MAST4: variants seen among roughly 807,000 people sequenced by gnomAD.
The protein encoded by MAST4 is microtubule associated serine/threonine kinase family member 4.
Under a neutral mutation model 162.7 loss-of-function variants are expected in MAST4, and 89 were observed. The ratio of observed to expected loss-of-function variants is 0.55; its 90% CI spans 0.46 to 0.65. MAST4 has a LOEUF of 0.65. Among genes scored for constraint, MAST4 ranks in the 30% least tolerant of loss-of-function variants. MAST4 has a pLI of 0.00. For missense variants in MAST4, 3,153 were observed against 3,374.0 expected (o/e 0.93, Z 1.62); for synonymous variants, 1,479 against 1,361.1 (o/e 1.09, Z -1.91).
chr5:66,700,066 A>T (rs2149509384), intron 1 of MAST4, among the ~76,000 whole-genome samples: 1 of 152,282 alleles, frequency 6.6e-6, no homozygotes, highest in South Asian at 2.1e-4. Flanking sequence ...TGTTGACTGC[A>T]GCCCAGTGTC....
At chr5:66,767,605 T>TAC (rs752584863) in intron 2 of MAST4, among the ~76,000 whole-genome samples, 68 of 151,878 alleles carry the variant, frequency 4.5e-4, no homozygotes, top group African/African-American at 1.5e-3. Flanking sequence ...ATAGGATATA[T>TAC]ATACACACAC....
In MAST4 at chr5:66,596,936, C is replaced by CGCT. The variant is rs201910335; in HGVS notation, c.284_286dup (p.Leu95dup). The CGCT allele has an allele frequency of 2.3e-3, 3,102 of 1,351,144 alleles. 49 individuals carry two copies. In the East Asian group the frequency reaches 0.045, roughly 19 times the overall value. The allele number at this position is 1,351,144 out of a possible 1,614,324, so 83.7% of individuals were successfully genotyped here. On this transcript the variant is annotated inframe_insertion, in exon 1 of 29. Transcript: ENST00000403625. Reference sequence around the variant, plus strand: ...GTGCTGCTGGAGCGCGGAGTCCTTGCGCTGCCGCCGCCGCTTCCCGGAGGA... The same window carrying CGCT: ...GTGCTGCTGGAGCGCGGAGTCCTTGCGCTGCTGCCGCCGCCGCTTCCCGGAGGA...
intron 3 of MAST4, among the ~76,000 whole-genome samples, chr5:66,837,887 TATATA>T (rs1260757758): frequency 3.2e-4 from 11 of 34,556 alleles, no homozygotes; most frequent in African/African-American, 1.5e-3. Flanking sequence ...TATATATATA[TATATA>T]TATTTTTTTT....
intron 1 of MAST4, among the ~76,000 whole-genome samples, chr5:66,663,660 CCACT>C (rs1464477554): frequency 6.6e-6 from 1 of 152,066 alleles, no homozygotes; most frequent in African/African-American, 2.4e-5. Flanking sequence ...GCAGTGGAAG[CCACT>C]GTAGCTGGAA....
intron 4 of MAST4, among the ~76,000 whole-genome samples, chr5:66,951,835 A>G (rs1744751284): frequency 6.6e-6 from 1 of 152,150 alleles, no homozygotes; most frequent in South Asian, 2.1e-4. Flanking sequence ...GTTATCAAAC[A>G]TATCAGATAA....
chr5:66,733,292 T>C (rs1751967755), intron 1 of MAST4, among the ~76,000 whole-genome samples: 1 of 151,962 alleles, frequency 6.6e-6, no homozygotes, highest in African/African-American at 2.4e-5. Context: ...CCTCTAACTT[T>C]CTCCGTTTCC....
At chr5:66,939,474 T>A (rs1280626984) in intron 4 of MAST4, among the ~76,000 whole-genome samples, 1 of 152,222 alleles carries the variant, frequency 6.6e-6, no homozygotes. Flanking sequence ...TTAATTTAAT[T>A]TGAATTTCAC....
chr5:66,831,934 T>C (rs1041704413), intron 3 of MAST4, among the ~76,000 whole-genome samples: 23 of 152,212 alleles, frequency 1.5e-4, no homozygotes, highest in Non-Finnish European at 1.5e-5. Flanking sequence ...CTAATATTCC[T>C]CATACGTGGA....
At chr5:66,651,271 C>G (rs1383188062) in intron 1 of MAST4, among the ~76,000 whole-genome samples, 1 of 151,870 alleles carries the variant, frequency 6.6e-6, no homozygotes, top group Non-Finnish European at 1.5e-5. Flanking sequence ...TGAATTTTTA[C>G]TCTCCATGTT....
intron 3 of MAST4, among the ~76,000 whole-genome samples, chr5:66,813,824 A>G: frequency 6.6e-6 from 1 of 152,376 alleles, no homozygotes; most frequent in Non-Finnish European, 1.5e-5. Flanking sequence ...GTTGTGAAAG[A>G]AGGAATGTTA....
intron 4 of MAST4, among the ~76,000 whole-genome samples, chr5:67,048,406 T>A (rs1033789142): frequency 2.6e-5 from 4 of 152,068 alleles, no homozygotes; most frequent in African/African-American, 9.7e-5. Context: ...GTATAATTCA[T>A]CCAAAAGTCA....
chr5:67,037,620 T>C lies in MAST4; in HGVS notation c.675-16784T>C, dbSNP rs960300283. ...GCAGTTTTCTTCATTTCTATACAAA[T>C]TGATTAACTCTTTCTCCTGGATGAG... On this transcript the variant is annotated intron_variant, in intron 4 of 28. Transcript: ENST00000403625. 4.6e-5 allele frequency among the ~76,000 whole-genome samples: 7 copies of C among 152,308 alleles called. No homozygotes were observed. In the South Asian group the frequency reaches 1.2e-3, roughly 27 times the overall value.
intron 1 of MAST4, among the ~76,000 whole-genome samples, chr5:66,701,795 A>C (rs983490490): frequency 6.6e-6 from 1 of 151,764 alleles, no homozygotes; most frequent in Non-Finnish European, 1.5e-5. Flanking sequence ...AATGATGATC[A>C]TATCAACCTT....
Position 67,166,227 on chromosome 5 carries a change from GACAACAGACAGACA to G in MAST4, c.7049_7062del (p.Asp2350GlyfsTer22), listed in dbSNP as rs763009419. 2.4e-4 allele frequency: 369 copies of G among 1,552,534 alleles called. No individual in the cohort carries two copies. In the African/African-American group the frequency reaches 4.7e-3, roughly 20 times the overall value. The stretch of plus-strand genomic sequence containing the variant: ...TTGCCCCACCCTGTGCAAACAGACA[GACAACAGACAGACA>G]GACAAAAGCCCGAGTCAGCCGGCCG... On this transcript the variant is annotated frameshift_variant, in exon 29 of 29. Transcript: ENST00000403625. LOFTEE classifies it low-confidence loss of function (END_TRUNC).
chr5:66,706,146 T>C (rs1056840459), intron 1 of MAST4, among the ~76,000 whole-genome samples: 3 of 152,156 alleles, frequency 2.0e-5, no homozygotes, highest in African/African-American at 7.2e-5. Flanking sequence ...GCCCCCCAGA[T>C]GTTGCTAGTT....
At chr5:66,694,180 T>G (rs1561267280) in intron 1 of MAST4, among the ~76,000 whole-genome samples, 3 of 152,132 alleles carry the variant, frequency 2.0e-5, no homozygotes, top group Non-Finnish European at 4.4e-5. Flanking sequence ...GAATTTGAAT[T>G]TCTTGGAATA....
At position 67,136,676 on chromosome 5, in the gene MAST4, T is replaced by G. The variant is rs768468352; in HGVS notation, c.2494+12T>G. ...GAGGCTGGGAACAGGTTAGAGCCCA[T>G]GTGTTTTAATTTTGCTAATATGCAA... On this transcript the variant is annotated intron_variant, in intron 19 of 28. Coordinates refer to ENST00000403625, the MANE Select transcript of MAST4 (RefSeq NM_001164664.2). 1 of 1,571,656 alleles carries G rather than the reference T, an allele frequency of 6.4e-7. No homozygotes were observed. Among genetic ancestry groups the G allele is most frequent in the Non-Finnish European group, 8.7e-7 (1 of 1,154,812 alleles).
chr5:67,079,384 GTAT>G (rs1169171056), intron 5 of MAST4, among the ~76,000 whole-genome samples: 1 of 151,706 alleles, frequency 6.6e-6, no homozygotes, highest in East Asian at 1.9e-4. Flanking sequence ...ATTTGATGTA[GTAT>G]TTTGGGAGGA....
At chr5:66,837,807 A>G (rs936163044) in intron 3 of MAST4, among the ~76,000 whole-genome samples, 2 of 147,382 alleles carry the variant, frequency 1.4e-5, no homozygotes, top group Non-Finnish European at 3.0e-5. Flanking sequence ...GACAGCCTTT[A>G]AAATGTATGT....
Sources: allele counts gnomAD v4.1 joint callset (sites outside exome capture counted in the v4.1 genomes callset), GRCh38; gene constraint gnomAD v4.1.1; transcripts MANE v1.5; gene names NCBI Gene and HGNC (gene_info 2026-07-23, HGNC 2026-07-21).